Variants in DPP10 observed in about 807,000 individuals in gnomAD.
DPP10 encodes dipeptidyl peptidase like 10.
Under a neutral mutation model 120.9 loss-of-function variants are expected in DPP10, and 33 were observed. That is an observed-to-expected ratio of 0.27 (90% CI 0.21 to 0.37). The LOEUF (loss-of-function observed/expected upper bound fraction) is 0.37, where lower values mean the gene tolerates loss of function less well. Among genes scored for constraint, DPP10 ranks in the 10% least tolerant of loss-of-function variants. The pLI, the probability that DPP10 is intolerant of heterozygous loss-of-function variation, is 1.00. For missense variants in DPP10, 816 were observed against 942.8 expected, an observed-to-expected ratio of 0.87 and a Z score of 1.76; for synonymous variants, 337 against 326.1, an observed-to-expected ratio of 1.03 and a Z score of -0.36.
At chr2:115,331,989 A>T (rs1457594805) in intron 2 of DPP10, among the ~76,000 whole-genome samples, 3 of 152,140 alleles carry the variant, frequency 2.0e-5, no homozygotes, top group African/African-American at 7.2e-5. Flanking sequence ...GAATAGTTTC[A>T]GAGGGAATGG....
At chr2:114,695,884 G>T (rs1483026907) in intron 1 of DPP10, among the ~76,000 whole-genome samples, 2 of 151,946 alleles carry the variant, frequency 1.3e-5, no homozygotes, top group African/African-American at 4.8e-5. Context: ...TAATATGACT[G>T]CTTTCTCTTG....
In DPP10 at chr2:114,599,461, T is replaced by G. The variant is rs1374652927; in HGVS notation, c.60+156623T>G. ...TAGATTAGTTTTTTCTACTCTAGGT[T>G]TTTTGGAGTGATATAGTACATACTT... On this transcript the variant is annotated intron_variant, in intron 1 of 25. Transcript: ENST00000410059. Among the ~76,000 whole-genome samples, 3 of 151,976 alleles carry G rather than the reference T, an allele frequency of 2.0e-5. No individual in the cohort carries two copies. The East Asian group carries it at 5.8e-4, about 29-fold the overall frequency.
rs559626636 is a variant in DPP10 at position 114,819,255 on chromosome 2, A to C, written c.60+376417A>C. The stretch of plus-strand genomic sequence containing the variant: ...AAGGAAAAAGGAAGTTTCATAAAAT[A>C]ATTTCAATAGATGTCTCGTTAAAAT... On this transcript the variant is annotated intron_variant, in intron 1 of 25. Coordinates refer to ENST00000410059, the MANE Select transcript of DPP10 (RefSeq NM_020868.6). 5.9e-5 allele frequency among the ~76,000 whole-genome samples: 9 copies of C among 151,950 alleles called. No homozygotes were observed. The East Asian group carries it at 1.7e-3, about 30-fold the overall frequency.
At chr2:115,700,081 A>G (rs542581819) in intron 7 of DPP10, among the ~76,000 whole-genome samples, 16 of 152,172 alleles carry the variant, frequency 1.1e-4, no homozygotes, top group Admixed American at 2.0e-4. Context: ...GCTAGAGCAG[A>G]GGAAGGGGGT....
chr2:115,665,561 CT>C (rs2089382910), intron 5 of DPP10, among the ~76,000 whole-genome samples: 2 of 151,994 alleles, frequency 1.3e-5, no homozygotes, highest in South Asian at 4.1e-4. Context: ...TATAGAAAAC[CT>C]TGCTTGTTAG....
At chr2:115,699,861 A>G (rs1395633467) in intron 7 of DPP10, among the ~76,000 whole-genome samples, 1 of 152,250 alleles carries the variant, frequency 6.6e-6, no homozygotes, top group Non-Finnish European at 1.5e-5. Context: ...AAATGTAAGG[A>G]TCATTCAATA....
intron 1 of DPP10, among the ~76,000 whole-genome samples, chr2:114,900,494 A>C (rs1004506185): frequency 9.9e-5 from 15 of 152,160 alleles, no homozygotes; most frequent in Non-Finnish European, 1.6e-4. Flanking sequence ...GTTTCTCAGA[A>C]ATTTGGATTT....
In DPP10 at chr2:114,543,269, C is replaced by G. The variant is rs190581917; in HGVS notation, c.60+100431C>G. On this transcript the variant is annotated intron_variant, in intron 1 of 25. Coordinates refer to ENST00000410059, the MANE Select transcript of DPP10 (RefSeq NM_020868.6). ...CTTCCTGTTTGCTAAGCACTGGCGA[C>G]GTCTTGTTTTCAGCACTTAACTGAG... 2.0e-5 allele frequency among the ~76,000 whole-genome samples: 3 copies of G among 152,286 alleles called. No homozygotes were observed. In the East Asian group the frequency reaches 5.8e-4, roughly 29 times the overall value.
At chr2:115,749,886 A>G in intron 10 of DPP10, 1 of 643,364 alleles carries the variant, frequency 1.6e-6, no homozygotes, top group Non-Finnish European at 1.9e-6. Context: ...TCCATTCCAC[A>G]TAACCTTGTG....
intron 3 of DPP10, among the ~76,000 whole-genome samples, chr2:115,382,063 A>G (rs573195976): frequency 6.6e-6 from 1 of 151,916 alleles, no homozygotes; most frequent in African/African-American, 2.4e-5. Context: ...GGCCTCCTTG[A>G]GCTGTGGTGG....
At chr2:115,784,042 A>G (rs1009836566) in intron 17 of DPP10, among the ~76,000 whole-genome samples, 17 of 152,216 alleles carry the variant, frequency 1.1e-4, no homozygotes, top group African/African-American at 4.1e-4. Context: ...TTACAAGGCA[A>G]TGTCTTTTCT....
chr2:114,960,583 G>T (rs974251991), intron 1 of DPP10, among the ~76,000 whole-genome samples: 1 of 152,080 alleles, frequency 6.6e-6, no homozygotes, highest in African/African-American at 2.4e-5. Flanking sequence ...TAAGTTTTTC[G>T]CTTACTCAGG....
At chr2:114,804,027 G>T (rs72832410) in intron 1 of DPP10, among the ~76,000 whole-genome samples, 1 of 152,108 alleles carries the variant, frequency 6.6e-6, no homozygotes, top group Non-Finnish European at 1.5e-5. Flanking sequence ...GGGTCCCCGC[G>T]CTCTGTGCAG....
intron 1 of DPP10, among the ~76,000 whole-genome samples, chr2:115,093,317 G>T (rs750647139): frequency 1.3e-5 from 2 of 152,044 alleles, no homozygotes; most frequent in Non-Finnish European, 2.9e-5. Flanking sequence ...ATCATAAATA[G>T]CAATGAGTTA....
chr2:115,331,152 A>G (rs927035563), intron 2 of DPP10, among the ~76,000 whole-genome samples: 4 of 152,010 alleles, frequency 2.6e-5, no homozygotes, highest in African/African-American at 9.7e-5. Context: ...ATCCCTTGTA[A>G]GTTGGATTCC....
At chr2:115,743,683 A>G (rs1318651137) in intron 9 of DPP10, among the ~76,000 whole-genome samples, 2 of 151,178 alleles carry the variant, frequency 1.3e-5, no homozygotes, top group African/African-American at 2.4e-5. Context: ...CAGACAGGAA[A>G]CCTTCAACTC....
chr2:115,270,118 A>G (rs1319736708), intron 1 of DPP10, among the ~76,000 whole-genome samples: 1 of 145,354 alleles, frequency 6.9e-6, no homozygotes, highest in African/African-American at 2.8e-5. Flanking sequence ...ACACACAGAC[A>G]CACACACAAA....
intron 5 of DPP10, among the ~76,000 whole-genome samples, chr2:115,615,946 A>G (rs1006231693): frequency 3.9e-5 from 6 of 152,170 alleles, no homozygotes; most frequent in Non-Finnish European, 7.4e-5. Context: ...GACCATTTCA[A>G]AAATTAGAAG....
chr2:115,814,963 T>C lies in DPP10; in HGVS notation c.1871T>C (p.Val624Ala), dbSNP rs767419289. 1.5e-5 allele frequency: 24 copies of C among 1,608,588 alleles called. No homozygotes were observed. The Admixed American group carries it at 2.3e-4, about 16-fold the overall frequency. The change falls in exon 20 of 26, where the codon GTA becomes GCA. Residue 624 changes from valine (V) to alanine (A), a missense_variant. Val to Ala is a moderately conservative substitution (Grantham distance 64). Around this residue, in one of 3 missense-constraint regions of DPP10, gnomAD observed 592 missense variants for 649.0 expected, o/e 0.91. Transcript: ENST00000410059. ...EIHRRLGSVE[V>A]KDQITAVKFL... ...CATCGAAGATTAGGTTCAGTAGAAG[T>C]AAAGGACCAAATAACAGCTGTGAAG...
Sources: gnomAD v4.1 joint callset for allele counts (sites outside exome capture counted in the v4.1 genomes callset) on GRCh38, gnomAD v4.1.1 for gene constraint, gnomAD v4.1.1 regional missense constraint, MANE v1.5 for transcripts, NCBI Gene and HGNC (gene_info 2026-07-23, HGNC 2026-07-21) for gene names.